The following IMMP2L variants were observed in gnomAD, a reference collection of about 807,000 sequenced individuals.
The protein encoded by IMMP2L is mitochondrial inner membrane protease subunit 2.
Under a neutral mutation model 19.3 loss-of-function variants are expected in IMMP2L, and 18 were observed. That is an observed-to-expected ratio of 0.93 (90% CI 0.64 to 1.38). The LOEUF is 1.38. Ranked by LOEUF, IMMP2L falls within the 40% of genes most tolerant of loss-of-function variation. The probability of loss-of-function intolerance (pLI) is 0.00; values close to 1 mark genes in which losing one functional copy is unlikely to be tolerated. For missense variants in IMMP2L, 233 were observed against 218.2 expected, an observed-to-expected ratio of 1.07 and a Z score of -0.43; for synonymous variants, 76 against 73.0, an observed-to-expected ratio of 1.04 and a Z score of -0.21.
At chr7:111,420,681 T>C (rs1835420977) in intron 3 of IMMP2L, among the ~76,000 whole-genome samples, 1 of 151,048 alleles carries the variant, frequency 6.6e-6, no homozygotes, top group African/African-American at 2.5e-5. Context: ...CTTGTGATAA[T>C]TTACTGAGAA....
At chr7:110,739,695 T>C (rs1796872137) in intron 5 of IMMP2L, among the ~76,000 whole-genome samples, 1 of 151,942 alleles carries the variant, frequency 6.6e-6, no homozygotes, top group African/African-American at 2.4e-5. Context: ...CTTAAACTAT[T>C]CCCTACGAAA....
intron 3 of IMMP2L, among the ~76,000 whole-genome samples, chr7:111,377,158 CT>C (rs918062305): frequency 2.0e-5 from 3 of 151,716 alleles, no homozygotes; most frequent in African/African-American, 7.3e-5. Context: ...GATTTTCCCC[CT>C]AGAAGTAGCT....
At chr7:111,009,706 A>G (rs1269670727) in intron 3 of IMMP2L, among the ~76,000 whole-genome samples, 2 of 152,120 alleles carry the variant, frequency 1.3e-5, no homozygotes, top group Non-Finnish European at 2.9e-5. Flanking sequence ...AAAGGAAGTT[A>G]ATCTTTGGCA....
At chr7:111,151,104 C>T (rs1804021594) in intron 3 of IMMP2L, among the ~76,000 whole-genome samples, 1 of 152,192 alleles carries the variant, frequency 6.6e-6, no homozygotes, top group African/African-American at 2.4e-5. Context: ...CACTTGAAAA[C>T]AGACTTTGAA....
At chr7:111,230,868 G>C (rs1813635499) in intron 3 of IMMP2L, among the ~76,000 whole-genome samples, 1 of 151,990 alleles carries the variant, frequency 6.6e-6, no homozygotes, top group Admixed American at 6.6e-5. Context: ...TTAGGCTTAG[G>C]GTTACTGAGG....
intron 4 of IMMP2L, among the ~76,000 whole-genome samples, chr7:110,948,144 T>G (rs976982675): frequency 6.6e-6 from 1 of 152,162 alleles, no homozygotes; most frequent in Non-Finnish European, 1.5e-5. Context: ...CAGACTCTCA[T>G]GCAAGATTAC....
intron 3 of IMMP2L, among the ~76,000 whole-genome samples, chr7:111,281,166 GAA>G (rs1476763674): frequency 3.6e-3 from 111 of 31,076 alleles, no homozygotes; most frequent in Middle Eastern, 0.034. Flanking sequence ...CAGAAAGAAA[GAA>G]AGAAAGAAAG....
At chr7:111,015,601 T>A (rs1283489892) in intron 3 of IMMP2L, among the ~76,000 whole-genome samples, 1 of 152,128 alleles carries the variant, frequency 6.6e-6, no homozygotes, top group Non-Finnish European at 1.5e-5. Context: ...TTTGAGTCTA[T>A]CTACATGAAA....
intron 5 of IMMP2L, among the ~76,000 whole-genome samples, chr7:110,691,532 G>A (rs1793505784): frequency 6.6e-6 from 1 of 151,748 alleles, no homozygotes; most frequent in African/African-American, 2.4e-5. Flanking sequence ...ACAAACCACA[G>A]AATAAGAAAA....
chr7:111,448,983 C>A (rs1293030216), intron 3 of IMMP2L, among the ~76,000 whole-genome samples: 1 of 150,418 alleles, frequency 6.6e-6, no homozygotes, highest in Admixed American at 6.6e-5. Flanking sequence ...TTCCTCGACA[C>A]ATACACTCTC....
rs539492130 is a variant in IMMP2L, at chr7:111,253,335, G to T, written c.239+233903C>A. ...TAAGTGTACAGCAGAGCAAAAGACA[G>T]TAGCTGCCAGGACTCAAGGAGCTGA... On this transcript the variant is annotated intron_variant, in intron 3 of 5. Transcript: ENST00000405709. 3.3e-5 allele frequency among the ~76,000 whole-genome samples: 5 copies of T among 152,252 alleles called. No individual in the cohort carries two copies. In the East Asian group the frequency reaches 9.6e-4, roughly 29 times the overall value.
intron 3 of IMMP2L, among the ~76,000 whole-genome samples, chr7:111,324,189 T>C (rs569378305): frequency 3.3e-5 from 5 of 151,292 alleles, no homozygotes; most frequent in Admixed American, 6.6e-5. Context: ...AATAGAAAAA[T>C]TACTAGCCAA....
At chr7:111,342,482 C>A (rs750832810) in intron 3 of IMMP2L, among the ~76,000 whole-genome samples, 1 of 151,930 alleles carries the variant, frequency 6.6e-6, no homozygotes, top group Non-Finnish European at 1.5e-5. Context: ...ATCCCAGCTA[C>A]TCAGGAGGCT....
At chr7:110,920,757 C>A (rs1814184956) in intron 4 of IMMP2L, among the ~76,000 whole-genome samples, 1 of 152,032 alleles carries the variant, frequency 6.6e-6, no homozygotes, top group South Asian at 2.1e-4. Flanking sequence ...CTTCTTTGCC[C>A]CAGTAACTGG....
At position 110,663,659 on chromosome 7, in the gene IMMP2L, C is replaced by T; in HGVS notation, c.471G>A (p.Gln157=). 1 of 1,611,206 alleles carries T rather than the reference C, an allele frequency of 6.2e-7. No homozygotes were observed. Among genetic ancestry groups the T allele is most frequent in the Non-Finnish European group, 8.5e-7 (1 of 1,178,078 alleles). The change falls in exon 6 of 6, where the codon CAG becomes CAA. Residue 157 remains glutamine, a synonymous_variant. Coordinates refer to ENST00000405709, the MANE Select transcript of IMMP2L (RefSeq NM_032549.4). The stretch of plus-strand genomic sequence containing the variant: ...CTGGAGGAAGAACAGATTCCAATTT[C>T]TGCCAGCGCTCTGGGGGCCACAGGA... ...THILWPPERW[Q]KLESVLPPER...
At chr7:110,925,048 G>A (rs1814703175) in intron 4 of IMMP2L, among the ~76,000 whole-genome samples, 1 of 152,098 alleles carries the variant, frequency 6.6e-6, no homozygotes, top group South Asian at 2.1e-4. Context: ...GTATTGCTGG[G>A]GTGAAAAATG....
At chr7:111,328,919 G>A (rs868770978) in intron 3 of IMMP2L, among the ~76,000 whole-genome samples, 12 of 151,226 alleles carry the variant, frequency 7.9e-5, no homozygotes, top group African/African-American at 2.9e-4. Flanking sequence ...AAAAACATTG[G>A]GACCCTAACC....
intron 3 of IMMP2L, among the ~76,000 whole-genome samples, chr7:111,298,005 A>G (rs968961740): frequency 3.9e-5 from 6 of 152,102 alleles, no homozygotes; most frequent in Non-Finnish European, 1.5e-5. Context: ...AAATGTATTC[A>G]TTTGTCAAAA....
intron 1 of IMMP2L, among the ~76,000 whole-genome samples, chr7:111,543,171 G>A (rs1030855900): frequency 3.3e-5 from 5 of 151,900 alleles, no homozygotes; most frequent in East Asian, 1.9e-4. Context: ...TAATACTTTC[G>A]GCAAATATAA....
Sources: allele counts gnomAD v4.1 joint callset (sites outside exome capture counted in the v4.1 genomes callset), GRCh38; gene constraint gnomAD v4.1.1; transcripts MANE v1.5; gene names NCBI Gene and HGNC (gene_info 2026-07-23, HGNC 2026-07-21).